The following GRM7 variants were observed in gnomAD, a reference collection of about 807,000 sequenced individuals.
The protein encoded by GRM7 is metabotropic glutamate receptor 7.
GRM7 carries 35 observed loss-of-function variants against 84.5 expected under a neutral mutation model. The ratio of observed to expected loss-of-function variants is 0.41; its 90% CI spans 0.32 to 0.55. The LOEUF is 0.55. Ranked by LOEUF, GRM7 falls within the 20% of genes least tolerant of loss-of-function variation. The probability of loss-of-function intolerance (pLI) is 0.19; values close to 1 mark genes in which losing one functional copy is unlikely to be tolerated. For missense variants in GRM7, 1,003 were observed against 1,194.6 expected, an observed-to-expected ratio of 0.84 and a Z score of 2.36; for synonymous variants, 487 against 455.1, an observed-to-expected ratio of 1.07 and a Z score of -0.89.
intron 4 of GRM7, among the ~76,000 whole-genome samples, chr3:7,324,743 C>G (rs1287054861): frequency 2.0e-5 from 3 of 151,774 alleles, no homozygotes; most frequent in African/African-American, 7.3e-5. Flanking sequence ...TTTTCAAGTT[C>G]CCGGGAACCA....
chr3:7,360,135 C>CTGTGTGTGTG (rs1191039401), intron 4 of GRM7, among the ~76,000 whole-genome samples: 13 of 102,950 alleles, frequency 1.3e-4, no homozygotes, highest in African/African-American at 5.8e-4. Context: ...TTTTTTTTCC[C>CTGTGTGTGTG]TCTGTGTGTG....
rs1699345139 is a variant in GRM7, at chr3:7,486,968, T to C, written c.1515+25246T>C. On this transcript the variant is annotated intron_variant, in intron 7 of 9. Coordinates refer to ENST00000357716, the MANE Select transcript of GRM7 (RefSeq NM_000844.4). The surrounding 1 kb of genome is among the most constrained non-coding windows in gnomAD (Gnocchi z 5.5). ...GGAACTTCTTAGAGATTAGTTAAGTTGTGGTGACTGAAATGTAGATAGGAA... is the reference window on the plus strand; with the variant it reads ...GGAACTTCTTAGAGATTAGTTAAGTCGTGGTGACTGAAATGTAGATAGGAA... Among the ~76,000 whole-genome samples the C allele has an allele frequency of 6.6e-6, 1 of 152,182 alleles. No individual in the cohort carries two copies. The highest frequency in any genetic ancestry group is 1.5e-5 in the Non-Finnish European group (1 of 68,026).
intron 7 of GRM7, among the ~76,000 whole-genome samples, chr3:7,481,514 T>G (rs1699126912): frequency 6.6e-6 from 1 of 152,216 alleles, no homozygotes; most frequent in Admixed American, 6.5e-5. Flanking sequence ...ATTTGTTAAA[T>G]AATGACTATT....
chr3:7,047,512 C>T (rs1696846389), intron 1 of GRM7, among the ~76,000 whole-genome samples: 1 of 152,032 alleles, frequency 6.6e-6, no homozygotes, highest in Admixed American at 6.6e-5. Flanking sequence ...TGCCCCAGGC[C>T]ACACAGCAAA....
At chr3:7,192,450 T>A (rs1695740635) in intron 2 of GRM7, among the ~76,000 whole-genome samples, 1 of 152,160 alleles carries the variant, frequency 6.6e-6, no homozygotes, top group Admixed American at 6.6e-5. Flanking sequence ...CCCCCAGAAG[T>A]TGGTTGACCT....
At chr3:7,280,746 A>G (rs1357909294) in intron 2 of GRM7, among the ~76,000 whole-genome samples, 1 of 152,196 alleles carries the variant, frequency 6.6e-6, no homozygotes, top group Non-Finnish European at 1.5e-5. Flanking sequence ...TGTTTAAACA[A>G]AGTTTCTTGA....
intron 1 of GRM7, among the ~76,000 whole-genome samples, chr3:7,038,333 A>G (rs1325079959): frequency 1.3e-5 from 2 of 152,240 alleles, no homozygotes; most frequent in African/African-American, 4.8e-5. Flanking sequence ...CTTAAGAATC[A>G]GGATTCTTGC....
At chr3:7,312,377 A>G (rs1314453988) in intron 4 of GRM7, among the ~76,000 whole-genome samples, 2 of 152,040 alleles carry the variant, frequency 1.3e-5, no homozygotes, top group South Asian at 2.1e-4. Context: ...CAGTTCCTCA[A>G]AAGGAAGGGA....
intron 8 of GRM7, among the ~76,000 whole-genome samples, chr3:7,656,610 T>C (rs1575599982): frequency 6.9e-6 from 1 of 145,864 alleles, no homozygotes; most frequent in Non-Finnish European, 1.5e-5. Flanking sequence ...GAAAAGCAGG[T>C]CGTGTTTTAT....
chr3:7,014,129 T>G (rs962899327), intron 1 of GRM7, among the ~76,000 whole-genome samples: 8 of 152,168 alleles, frequency 5.3e-5, no homozygotes, highest in African/African-American at 1.9e-4. Context: ...TGTCTTAAAG[T>G]AATGCTACCT....
chr3:7,414,886 A>ATTTT, intron 4 of GRM7, 137 bp from the exon 5 acceptor site: 5 of 454,150 alleles, frequency 1.1e-5, no homozygotes, highest in East Asian at 4.0e-5. Context: ...CCTTCTGTTA[A>ATTTT]TTTTTTTTTT....
intron 2 of GRM7, among the ~76,000 whole-genome samples, chr3:7,159,153 G>C (rs1694545125): frequency 6.6e-6 from 1 of 152,150 alleles, no homozygotes; most frequent in Non-Finnish European, 1.5e-5. Context: ...TTAAAATAGA[G>C]AGATGAGACA....
At chr3:7,568,914 C>G (rs138920276) in intron 7 of GRM7, among the ~76,000 whole-genome samples, 1 of 152,072 alleles carries the variant, frequency 6.6e-6, no homozygotes, top group African/African-American at 2.4e-5. Context: ...GCCTCCCGGA[C>G]GAGCGCCGCC....
intron 2 of GRM7, among the ~76,000 whole-genome samples, chr3:7,248,884 C>T (rs1487254894): frequency 1.3e-5 from 2 of 152,016 alleles, no homozygotes; most frequent in East Asian, 1.9e-4. Flanking sequence ...TATGATTGTT[C>T]TTATTATCAC....
At chr3:6,869,220 A>C (rs555944597) in intron 1 of GRM7, among the ~76,000 whole-genome samples, 2 of 152,232 alleles carry the variant, frequency 1.3e-5, no homozygotes, top group African/African-American at 4.8e-5. Context: ...ATTTAAATCC[A>C]CACACTCCAC....
intron 1 of GRM7, among the ~76,000 whole-genome samples, chr3:6,950,031 C>A (rs1169525828): frequency 1.3e-5 from 2 of 152,116 alleles, no homozygotes; most frequent in African/African-American, 2.4e-5. Flanking sequence ...GTAGTTTGAT[C>A]TTCTGAAGCC....
intron 4 of GRM7, among the ~76,000 whole-genome samples, chr3:7,362,074 T>G (rs2125106183): frequency 6.6e-6 from 1 of 152,232 alleles, no homozygotes; most frequent in South Asian, 2.1e-4. Flanking sequence ...AGTACTATTG[T>G]GCCTCATAGT....
chr3:7,238,996 C>CTTTTTTTTTTTTTTTTTTTTTTTT (rs567509392), intron 2 of GRM7, among the ~76,000 whole-genome samples: 2 of 118,356 alleles, frequency 1.7e-5, no homozygotes, highest in Non-Finnish European at 1.7e-5. Flanking sequence ...TTTCTTTTTT[C>CTTTTTTTTTTTTTTTTTTTTTTTT]CTTTTTCTTT....
chr3:7,146,078 C>T (rs1694102295), intron 1 of GRM7, among the ~76,000 whole-genome samples: 1 of 152,140 alleles, frequency 6.6e-6, no homozygotes, highest in Non-Finnish European at 1.5e-5. Context: ...TATATACACT[C>T]CAGCCAGGTT....
Sources: allele counts gnomAD v4.1 joint callset (sites outside exome capture counted in the v4.1 genomes callset), GRCh38; gene constraint gnomAD v4.1.1; non-coding constraint Gnocchi (gnomAD v3.1); transcripts MANE v1.5; gene names NCBI Gene and HGNC (gene_info 2026-07-23, HGNC 2026-07-21).